SDK1: variants seen among roughly 807,000 people sequenced by gnomAD.
SDK1 encodes sidekick cell adhesion molecule 1.
A neutral mutation model predicts 245.5 loss-of-function variants in SDK1; 157 were observed. The observed-to-expected ratio is 0.64, with a 90% confidence interval of 0.56 to 0.73. The LOEUF (loss-of-function observed/expected upper bound fraction) is 0.73. Among genes scored for constraint, SDK1 ranks in the 30% least tolerant of loss-of-function variants. SDK1 has a pLI of 0.00. For missense variants in SDK1, 3,583 were observed against 3,002.3 expected (o/e 1.19, Z -4.52); for synonymous variants, 1,647 against 1,278.5 (o/e 1.29, Z -6.15).
At chr7:3,445,826 A>G (rs1050210451) in intron 1 of SDK1, among the ~76,000 whole-genome samples, 2 of 152,130 alleles carry the variant, frequency 1.3e-5, no homozygotes, top group African/African-American at 4.8e-5. Flanking sequence ...TATTGTGTTT[A>G]CCCATATTTT....
intron 1 of SDK1, among the ~76,000 whole-genome samples, chr7:3,337,595 C>G (rs1222425258): frequency 6.6e-6 from 1 of 152,184 alleles, no homozygotes; most frequent in African/African-American, 2.4e-5. Context: ...AAGACACATC[C>G]TGATTAAACT....
At chr7:3,847,989 G>C (rs1780323068) in intron 5 of SDK1, among the ~76,000 whole-genome samples, 2 of 152,140 alleles carry the variant, frequency 1.3e-5, no homozygotes, top group South Asian at 4.1e-4. Context: ...GTACTTTCCT[G>C]CAACATACGT....
chr7:3,550,686 T>C (rs1455871555), intron 1 of SDK1, among the ~76,000 whole-genome samples: 2 of 152,232 alleles, frequency 1.3e-5, no homozygotes, highest in Admixed American at 1.3e-4. Context: ...TTTCTTGCAC[T>C]CATTAAAATA....
intron 5 of SDK1, among the ~76,000 whole-genome samples, chr7:3,825,148 G>A (rs371600639): frequency 6.6e-6 from 1 of 152,272 alleles, no homozygotes; most frequent in South Asian, 2.1e-4. Context: ...AGAAAAAGAA[G>A]GGTTTGGGCC....
chr7:3,705,860 G>T (rs981984760), intron 4 of SDK1, among the ~76,000 whole-genome samples: 10 of 152,102 alleles, frequency 6.6e-5, no homozygotes, highest in African/African-American at 2.4e-4. Context: ...AATACTTGCA[G>T]CTTTGTGCCA....
intron 5 of SDK1, among the ~76,000 whole-genome samples, chr7:3,852,486 A>C (rs975042869): frequency 1.2e-4 from 18 of 151,742 alleles, no homozygotes; most frequent in South Asian, 4.2e-4. Context: ...GGTGGCTCAC[A>C]CCTGTAATCC....
intron 2 of SDK1, among the ~76,000 whole-genome samples, chr7:3,627,748 T>C (rs1394093495): frequency 6.6e-6 from 1 of 152,178 alleles, no homozygotes; most frequent in East Asian, 1.9e-4. Flanking sequence ...TGAGAAGAAA[T>C]CTAAATGACA....
At chr7:3,439,062 A>G (rs571737355) in intron 1 of SDK1, among the ~76,000 whole-genome samples, 1 of 151,974 alleles carries the variant, frequency 6.6e-6, no homozygotes, top group Non-Finnish European at 1.5e-5. Flanking sequence ...CACGTTGGCC[A>G]GGCTGGTCTC....
intron 1 of SDK1, among the ~76,000 whole-genome samples, chr7:3,579,760 A>C (rs983993910): frequency 6.6e-6 from 1 of 152,182 alleles, no homozygotes; most frequent in African/African-American, 2.4e-5. Flanking sequence ...GCAATTCCCC[A>C]AAGAGGTAAA....
rs542595580 is a variant in SDK1 at position 3,607,395 on chromosome 7, C to T, written c.299-11685C>T. Among the ~76,000 whole-genome samples the T allele has an allele frequency of 1.4e-4, 21 of 152,254 alleles. 1 individual carries two copies. Among genetic ancestry groups the T allele is most frequent in the African/African-American group, 3.6e-4 (15 of 41,562 alleles). The stretch of plus-strand genomic sequence containing the variant: ...AAAAGAAATATGTGCGTTAGTAAAA[C>T]CGACTATACTATATATTTTCTTTGT... On this transcript the variant is annotated intron_variant, in intron 1 of 44. Coordinates refer to ENST00000404826, the MANE Select transcript of SDK1 (RefSeq NM_152744.4).
intron 5 of SDK1, among the ~76,000 whole-genome samples, chr7:3,849,694 G>C (rs1286756151): frequency 6.6e-6 from 1 of 152,204 alleles, no homozygotes; most frequent in African/African-American, 2.4e-5. Context: ...GGCGTATTTT[G>C]ATAATAGATT....
At chr7:4,145,998 A>T (rs1779947760) in intron 29 of SDK1, 82 bp downstream of exon 29, 2 of 1,282,076 alleles carry the variant, frequency 1.6e-6, no homozygotes, top group Non-Finnish European at 2.2e-6. Context: ...TCTGCGGGGT[A>T]CCTGGGAGGC....
At chr7:3,383,947 A>T (rs1363153042) in intron 1 of SDK1, among the ~76,000 whole-genome samples, 1 of 152,202 alleles carries the variant, frequency 6.6e-6, no homozygotes, top group African/African-American at 2.4e-5. Flanking sequence ...ACATTTCAGA[A>T]TATAAGACAT....
At chr7:4,103,162 A>G (rs934545112) in intron 22 of SDK1, among the ~76,000 whole-genome samples, 2 of 151,394 alleles carry the variant, frequency 1.3e-5, no homozygotes, top group African/African-American at 4.9e-5. Flanking sequence ...CACCACGTCC[A>G]GAGAATTTTT....
chr7:3,522,789 A>G (rs1434524621), intron 1 of SDK1, among the ~76,000 whole-genome samples: 3 of 152,098 alleles, frequency 2.0e-5, no homozygotes, highest in African/African-American at 4.8e-5. Flanking sequence ...GAAAAACATG[A>G]TCTGGTTTTA....
chr7:3,429,933 A>G (rs1779788487), intron 1 of SDK1, among the ~76,000 whole-genome samples: 1 of 152,212 alleles, frequency 6.6e-6, no homozygotes, highest in Non-Finnish European at 1.5e-5. Flanking sequence ...CATGTAAAAT[A>G]GGCCCAAAAG....
chr7:4,242,477 G>A (rs1786589724), intron 43 of SDK1, among the ~76,000 whole-genome samples: 1 of 152,134 alleles, frequency 6.6e-6, no homozygotes, highest in South Asian at 2.1e-4. Flanking sequence ...CCAAACAAGA[G>A]AGGGGTTGAC....
At chr7:3,423,062 C>G (rs139651726) in intron 1 of SDK1, among the ~76,000 whole-genome samples, 1 of 152,014 alleles carries the variant, frequency 6.6e-6, no homozygotes, top group Non-Finnish European at 1.5e-5. Context: ...CCTTTTAACT[C>G]TTAAATTGAA....
At chr7:4,052,272 C>G (rs142218337) in intron 19 of SDK1, among the ~76,000 whole-genome samples, 1 of 145,856 alleles carries the variant, frequency 6.9e-6, no homozygotes, top group East Asian at 2.2e-4. Context: ...TTACCTCCAT[C>G]TGGTCAGTTC....
Sources: gnomAD v4.1 joint callset for allele counts (sites outside exome capture counted in the v4.1 genomes callset) on GRCh38, gnomAD v4.1.1 for gene constraint, MANE v1.5 for transcripts, NCBI Gene and HGNC (gene_info 2026-07-23, HGNC 2026-07-21) for gene names.